Variants in CTNNA3 observed in about 807,000 individuals in gnomAD.
CTNNA3 encodes catenin alpha 3.
Under a neutral mutation model 95.7 loss-of-function variants are expected in CTNNA3, and 76 were observed. That is an observed-to-expected ratio of 0.79 (90% CI 0.66 to 0.96). The LOEUF (loss-of-function observed/expected upper bound fraction) is 0.96. Ranked by LOEUF, CTNNA3 falls within the 40% of genes least tolerant of loss-of-function variation. The pLI, the probability that CTNNA3 is intolerant of heterozygous loss-of-function variation, is 0.00. For missense variants in CTNNA3, 1,191 were observed against 1,089.8 expected (o/e 1.09, Z -1.31); for synonymous variants, 431 against 374.4 (o/e 1.15, Z -1.74).
intron 9 of CTNNA3, among the ~76,000 whole-genome samples, chr10:66,759,463 G>A (rs971884132): frequency 5.3e-5 from 8 of 152,036 alleles, no homozygotes; most frequent in African/African-American, 1.9e-4. Context: ...TTTTCTATGG[G>A]GTTAATAGAT....
intron 7 of CTNNA3, among the ~76,000 whole-genome samples, chr10:67,002,707 T>C (rs1490601954): frequency 3.9e-5 from 6 of 152,046 alleles, no homozygotes; most frequent in Admixed American, 3.9e-4. Context: ...ATCAGGCTAA[T>C]ATAGTACTAA....
intron 5 of CTNNA3, among the ~76,000 whole-genome samples, chr10:67,412,472 A>C (rs763941193): frequency 2.0e-5 from 3 of 152,158 alleles, no homozygotes; most frequent in Non-Finnish European, 2.9e-5. Flanking sequence ...GTGTCACTAC[A>C]GACATTGACA....
intron 5 of CTNNA3, among the ~76,000 whole-genome samples, chr10:67,273,437 A>G (rs1839064314): frequency 6.6e-6 from 1 of 152,170 alleles, no homozygotes; most frequent in Admixed American, 6.5e-5. Flanking sequence ...ATCTGGCAAA[A>G]GCTGAAGTTC....
chr10:66,375,171 C>T (rs2092786645), intron 12 of CTNNA3, among the ~76,000 whole-genome samples: 1 of 151,774 alleles, frequency 6.6e-6, no homozygotes, highest in African/African-American at 2.4e-5. Flanking sequence ...TGGCATGTCC[C>T]CGCCATTGTG....
intron 11 of CTNNA3, among the ~76,000 whole-genome samples, chr10:66,394,359 G>A (rs565412509): frequency 1.3e-5 from 2 of 151,988 alleles, no homozygotes; most frequent in African/African-American, 2.4e-5. Flanking sequence ...CTAAGTTATT[G>A]CATTTTATGC....
intron 12 of CTNNA3, among the ~76,000 whole-genome samples, chr10:66,288,053 GACTGA>G (rs771885056): frequency 2.6e-5 from 4 of 152,084 alleles, no homozygotes; most frequent in Admixed American, 2.0e-4. Flanking sequence ...CATGGGACTG[GACTGA>G]ACTGAAGATG....
At chr10:67,355,634 A>T (rs1254377146) in intron 5 of CTNNA3, among the ~76,000 whole-genome samples, 4 of 152,128 alleles carry the variant, frequency 2.6e-5, no homozygotes, top group Non-Finnish European at 4.4e-5. Flanking sequence ...CAAAAAAAAA[A>T]ACCTTTTCAT....
intron 11 of CTNNA3, among the ~76,000 whole-genome samples, chr10:66,433,672 CT>C (rs1158819517): frequency 6.6e-6 from 1 of 152,164 alleles, no homozygotes; most frequent in African/African-American, 2.4e-5. Context: ...TCAATTTTGG[CT>C]TTTGTTGCCA....
intron 7 of CTNNA3, among the ~76,000 whole-genome samples, chr10:66,886,520 G>A (rs1343521009): frequency 2.6e-5 from 4 of 152,038 alleles, no homozygotes; most frequent in African/African-American, 7.2e-5. Context: ...TTACCTCCAA[G>A]GACTCATAAA....
At chr10:67,504,566 G>A (rs908291117) in intron 5 of CTNNA3, among the ~76,000 whole-genome samples, 6 of 151,336 alleles carry the variant, frequency 4.0e-5, no homozygotes, top group Middle Eastern at 3.5e-3. Context: ...TGGAGTAGAA[G>A]AAAAATGCAT....
At chr10:65,994,969 A>G (rs1385439954) in intron 15 of CTNNA3, among the ~76,000 whole-genome samples, 1 of 152,036 alleles carries the variant, frequency 6.6e-6, no homozygotes, top group Non-Finnish European at 1.5e-5. Context: ...TTTGTATTTC[A>G]TTCATTGAAT....
chr10:66,336,876 AT>A (rs2132340843), intron 12 of CTNNA3, among the ~76,000 whole-genome samples: 1 of 152,134 alleles, frequency 6.6e-6, no homozygotes, highest in East Asian at 1.9e-4. Context: ...AAGTCAAACT[AT>A]TTTTGTAATA....
At chr10:67,477,780 C>A (rs1848074024) in intron 5 of CTNNA3, among the ~76,000 whole-genome samples, 1 of 152,132 alleles carries the variant, frequency 6.6e-6, no homozygotes, top group Non-Finnish European at 1.5e-5. Context: ...CCTGAAAAAC[C>A]TGGATGAAGC....
At chr10:67,231,040 G>A (rs71611266) in intron 5 of CTNNA3, among the ~76,000 whole-genome samples, 8 of 152,138 alleles carry the variant, frequency 5.3e-5, no homozygotes, top group South Asian at 4.1e-4. Context: ...ACCGAGTCTC[G>A]CTGATTGCTA....
chr10:66,185,941 A>C (rs999303293), intron 13 of CTNNA3, among the ~76,000 whole-genome samples: 13 of 151,888 alleles, frequency 8.6e-5, no homozygotes, highest in Non-Finnish European at 1.9e-4. Context: ...CTCTCTCTAT[A>C]TATATATACA....
intron 2 of CTNNA3, among the ~76,000 whole-genome samples, chr10:67,616,249 A>G (rs1003707752): frequency 6.6e-6 from 1 of 152,190 alleles, no homozygotes; most frequent in Non-Finnish European, 1.5e-5. Flanking sequence ...GTAGATCACC[A>G]CTAATGCTCT....
In CTNNA3 at chr10:66,578,475, T is replaced by C. The variant is rs568234097; in HGVS notation, c.1374+43217A>G. Reference sequence around the variant, plus strand: ...GGTTTGTCATAAATAGCTCTTAAAATTTAGAGATATGTTCTATTGATGCCT... The same window carrying C: ...GGTTTGTCATAAATAGCTCTTAAAACTTAGAGATATGTTCTATTGATGCCT... On this transcript the variant is annotated intron_variant, in intron 10 of 17. Transcript: ENST00000433211. Among the ~76,000 whole-genome samples, 18 of 152,114 alleles carry C rather than the reference T, an allele frequency of 1.2e-4. 1 individual carries two copies. Among genetic ancestry groups the C allele is most frequent in the African/African-American group, 3.6e-4 (15 of 41,508 alleles).
chr10:67,708,268 G>C (rs1407456067), intron 1 of CTNNA3, among the ~76,000 whole-genome samples: 3 of 152,080 alleles, frequency 2.0e-5, no homozygotes, highest in African/African-American at 7.2e-5. Flanking sequence ...GTCTGCTTTA[G>C]TTCATTGATT....
At chr10:67,126,866 A>G (rs528863333) in intron 7 of CTNNA3, among the ~76,000 whole-genome samples, 51 of 152,304 alleles carry the variant, frequency 3.3e-4, no homozygotes, top group African/African-American at 1.2e-3. Flanking sequence ...CTGGGAAGCC[A>G]CATAATGACA....
Sources: gnomAD v4.1 joint callset for allele counts (sites outside exome capture counted in the v4.1 genomes callset) on GRCh38, gnomAD v4.1.1 for gene constraint, MANE v1.5 for transcripts, NCBI Gene and HGNC (gene_info 2026-07-23, HGNC 2026-07-21) for gene names.